Variants in C10orf71 observed in about 807,000 individuals in gnomAD.
C10orf71 encodes cardiac-enriched FHL2-interacting protein.
For missense variants in C10orf71, 1,869 were observed against 1,804.5 expected (o/e 1.04, Z -0.65); for synonymous variants, 758 against 726.3 (o/e 1.04, Z -0.70).
intron 1 of C10orf71, among the ~76,000 whole-genome samples, chr10:49,304,490 A>G (rs893307908): frequency 6.6e-6 from 1 of 152,226 alleles, no homozygotes; most frequent in South Asian, 2.1e-4. Context: ...GGTGCCTGGG[A>G]CTACCAGGGG....
upstream of C10orf71, chr10:49,298,885 C>G (rs907487999): frequency 6.6e-6 from 1 of 152,172 alleles, no homozygotes; most frequent in Non-Finnish European, 1.5e-5. Context: ...CAGCAGGGCT[C>G]TGGGCTCTGG....
chr10:49,297,210 C>T (rs1247638125), upstream of C10orf71, among the ~76,000 whole-genome samples: 1 of 152,204 alleles, frequency 6.6e-6, no homozygotes, highest in Admixed American at 6.5e-5. Flanking sequence ...GGAAGACCAG[C>T]GGCCCTGCCG....
rs192160684 is a variant in C10orf71, at chr10:49,322,803, G to T, written c.258G>T (p.Pro86=). The T allele has an allele frequency of 1.9e-6, 3 of 1,613,662 alleles. No individual in the cohort carries two copies. Among genetic ancestry groups the T allele is most frequent in the South Asian group, 2.2e-5 (2 of 91,058 alleles). The change falls in exon 3 of 3, where the codon CCG becomes CCT. Residue 86 remains proline, a synonymous_variant. Transcript: ENST00000374144. The part of the protein sequence containing the change: ...QRKSGIWSQL[P]SQGTEHSGWA... Reference sequence around the variant, plus strand: ...AAAGTGGCATTTGGAGCCAGTTACCGTCACAGGGCACGGAACATTCGGGCT... The same window carrying T: ...AAAGTGGCATTTGGAGCCAGTTACCTTCACAGGGCACGGAACATTCGGGCT...
chr10:49,323,429 G>A lies in C10orf71; in HGVS notation c.884G>A (p.Gly295Glu). Residue 295 changes from glycine to glutamate, a missense_variant, in exon 3 of 3, where the codon GGA (glycine) becomes GAA (glutamate). Transcript: ENST00000374144. ...CTGCTGGAGAGAAAGGACACAGCTG[G>A]AACCGTCCCAGAAAGCAAAGCTCCC... ...PKLLERKDTA[G>E]TVPESKAPKH... The A allele has an allele frequency of 6.2e-7, 1 of 1,614,024 alleles. No individual in the cohort carries two copies. Among genetic ancestry groups the A allele is most frequent in the East Asian group, 2.2e-5 (1 of 44,884 alleles).
At position 49,325,511 on chromosome 10, in the gene C10orf71, C is replaced by A. The variant is rs1477320167; in HGVS notation, c.2966C>A (p.Ser989Tyr). ...GLVASNCKSG[S>Y]ADSGKLAAPW... ...GTGGCAAGCAATTGCAAGAGCGGTTCTGCAGACTCAGGGAAGCTGGCAGCC... is the reference window on the plus strand; with the variant it reads ...GTGGCAAGCAATTGCAAGAGCGGTTATGCAGACTCAGGGAAGCTGGCAGCC... Residue 989 changes from serine to tyrosine, a missense_variant, in exon 3 of 3, where the codon TCT becomes TAT. Transcript: ENST00000374144. The A allele has an allele frequency of 6.4e-7, 1 of 1,551,022 alleles. No homozygotes were observed. The highest frequency in any genetic ancestry group is 8.7e-7 in the Non-Finnish European group (1 of 1,146,530).
rs180892216 is a variant in C10orf71, at chr10:49,324,550, G to A, written c.2005G>A (p.Glu669Lys). The A allele has an allele frequency of 1.2e-4, 195 of 1,613,772 alleles. No individual in the cohort carries two copies. Among genetic ancestry groups the A allele is most frequent in the Non-Finnish European group, 1.5e-4 (181 of 1,179,800 alleles). Residue 669 changes from glutamate (E) to lysine (K), a missense_variant, in exon 3 of 3, where the codon GAG becomes AAG. Transcript: ENST00000374144. Reference protein sequence around the residue: ...ATEKMKTHQLENGLSRSVSQE... With the variant: ...ATEKMKTHQLKNGLSRSVSQE... ...AGAGAAAATGAAGACCCACCAGCTA[G>A]AGAATGGGCTCTCCAGATCTGTGTC...
chr10:49,318,266 C>G (rs1849032925), intron 2 of C10orf71, among the ~76,000 whole-genome samples: 1 of 152,262 alleles, frequency 6.6e-6, no homozygotes, highest in Non-Finnish European at 1.5e-5. Flanking sequence ...GCCATGTCCT[C>G]TGGCCATGCT....
In C10orf71 at chr10:49,325,059, C is replaced by T. The variant is rs1470398948; in HGVS notation, c.2514C>T (p.Ala838=). The T allele has an allele frequency of 1.3e-6, 2 of 1,551,796 alleles. No individual in the cohort carries two copies. The highest frequency in any genetic ancestry group is 2.4e-5 in the East Asian group (1 of 40,924). Residue 838 remains alanine (A), a synonymous_variant, in exon 3 of 3, where the codon GCC becomes GCT. Transcript: ENST00000374144. ...ATAAGGGCACAACCTTTTCACAGGC[C>T]AAAGACCTTACTCCCTCACCATCTT... ...GENKGTTFSQ[A]KDLTPSPSSA... is the part of the protein sequence containing the mutation.
rs768945573 is a variant in C10orf71 at position 49,325,398 on chromosome 10, G to T, written c.2853G>T (p.Gln951His). The change falls in exon 3 of 3, where the codon CAG (glutamine) becomes CAT (histidine). Residue 951 changes from glutamine (Q) to histidine (H), a missense_variant. Transcript: ENST00000374144. ...GSSMARMEAS[Q>H]PAPKGNFPSM... is the part of the protein sequence containing the mutation. ...GCATGGCCAGGATGGAGGCCTCTCAGCCAGCCCCAAAGGGGAATTTCCCAT... is the reference window on the plus strand; with the variant it reads ...GCATGGCCAGGATGGAGGCCTCTCATCCAGCCCCAAAGGGGAATTTCCCAT... The T allele has an allele frequency of 4.5e-6, 7 of 1,550,868 alleles. 1 individual carries two copies. In the South Asian group the frequency reaches 8.3e-5, roughly 18 times the overall value.
chr10:49,324,562 T>C lies in C10orf71; in HGVS notation c.2017T>C (p.Ser673Pro), dbSNP rs368488487. 1.3e-4 allele frequency: 206 copies of C among 1,613,680 alleles called. No homozygotes were observed. The highest frequency in any genetic ancestry group is 1.5e-4 in the Non-Finnish European group (181 of 1,179,820). The change falls in exon 3 of 3, where the codon TCC (serine) becomes CCC (proline). Residue 673 changes from serine to proline, a missense_variant. By Grantham distance (74) the Ser-to-Pro change is moderately conservative. Coordinates refer to ENST00000374144, the MANE Select transcript of C10orf71 (RefSeq NM_001135196.2). ...GACCCACCAGCTAGAGAATGGGCTCTCCAGATCTGTGTCCCAAGAGACAGA... is the reference window on the plus strand; with the variant it reads ...GACCCACCAGCTAGAGAATGGGCTCCCCAGATCTGTGTCCCAAGAGACAGA... ...MKTHQLENGL[S>P]RSVSQETEPE...
chr10:49,326,211 G>T lies in C10orf71; in HGVS notation c.3666G>T (p.Leu1222=). The T allele has an allele frequency of 6.4e-7, 1 of 1,551,228 alleles. No homozygotes were observed. Among genetic ancestry groups the T allele is most frequent in the Non-Finnish European group, 8.7e-7 (1 of 1,146,964 alleles). Reference sequence around the variant, plus strand: ...TGGAGCAGACACAGCAAAGGCCGCTGTGCCCCAGAGAGAGGCCCCGACACA... The same window carrying T: ...TGGAGCAGACACAGCAAAGGCCGCTTTGCCCCAGAGAGAGGCCCCGACACA... ...EDLEQTQQRP[L]CPRERPRHNF... The change falls in exon 3 of 3, where the codon CTG becomes CTT. Residue 1222 remains leucine, a synonymous_variant. Coordinates refer to ENST00000374144, the MANE Select transcript of C10orf71 (RefSeq NM_001135196.2).
At position 49,323,444 on chromosome 10, in the gene C10orf71, G is replaced by A; in HGVS notation, c.899G>A (p.Ser300Asn). The change falls in exon 3 of 3, where the codon AGC (serine) becomes AAC (asparagine). Residue 300 changes from serine to asparagine, a missense_variant. Transcript: ENST00000374144. ...RKDTAGTVPESKAPKHYGDTT... is the reference protein window; with the variant it reads ...RKDTAGTVPENKAPKHYGDTT... ...GACACAGCTGGAACCGTCCCAGAAAGCAAAGCTCCCAAGCACTATGGGGAC... is the reference window on the plus strand; with the variant it reads ...GACACAGCTGGAACCGTCCCAGAAAACAAAGCTCCCAAGCACTATGGGGAC... 1.2e-6 allele frequency: 2 copies of A among 1,614,024 alleles called. No homozygotes were observed. The highest frequency in any genetic ancestry group is 1.7e-6 in the Non-Finnish European group (2 of 1,179,896).
At chr10:49,319,729 T>A (rs11101092) in intron 2 of C10orf71, among the ~76,000 whole-genome samples, 2 of 120,218 alleles carry the variant, frequency 1.7e-5, no homozygotes, top group South Asian at 2.8e-4. Flanking sequence ...TATATATATA[T>A]ATATACACAT....
rs1406463310 is a variant in C10orf71, at chr10:49,325,373, G to A, written c.2828G>A (p.Ser943Asn). ...ATGGAGGACCCTGGGCAGGGGTCGA[G>A]CATGGCCAGGATGGAGGCCTCTCAG... ...EVMEDPGQGS[S>N]MARMEASQPA... Residue 943 changes from serine to asparagine, a missense_variant, in exon 3 of 3, where the codon AGC (serine) becomes AAC (asparagine). Ser to Asn is a conservative substitution (Grantham distance 46, BLOSUM62 1). Transcript: ENST00000374144. The A allele has an allele frequency of 6.4e-7, 1 of 1,551,554 alleles. No individual in the cohort carries two copies. Among genetic ancestry groups the A allele is most frequent in the Non-Finnish European group, 8.7e-7 (1 of 1,146,968 alleles).
chr10:49,326,531 C>G lies in C10orf71; in HGVS notation c.3986C>G (p.Ala1329Gly). 6.4e-7 allele frequency: 1 copy of G among 1,550,498 alleles called. No homozygotes were observed. Among genetic ancestry groups the G allele is most frequent in the Non-Finnish European group, 8.7e-7 (1 of 1,146,868 alleles). The change falls in exon 3 of 3, where the codon GCC becomes GGC. Residue 1329 changes from alanine (A) to glycine (G), a missense_variant. Physicochemically the swap from Ala to Gly is moderately conservative, Grantham distance 60 (BLOSUM62 0). Transcript: ENST00000374144. Reference protein sequence around the residue: ...SPEPPPPDALAAPYVLYPGFQ... With the variant: ...SPEPPPPDALGAPYVLYPGFQ... ...GAGCCGCCCCCACCGGACGCCCTGG[C>G]CGCTCCCTATGTGCTGTACCCCGGC...
chr10:49,297,295 C>G (rs978096460), upstream of C10orf71, among the ~76,000 whole-genome samples: 3 of 152,306 alleles, frequency 2.0e-5, no homozygotes, highest in East Asian at 5.8e-4. Context: ...GCAACATTTT[C>G]TAACATCTGG....
In C10orf71 at chr10:49,323,449, G is replaced by T. The variant is rs776044044; in HGVS notation, c.904G>T (p.Ala302Ser). ...DTAGTVPESKAPKHYGDTTLL... is the reference protein window; with the variant it reads ...DTAGTVPESKSPKHYGDTTLL... Reference sequence around the variant, plus strand: ...AGCTGGAACCGTCCCAGAAAGCAAAGCTCCCAAGCACTATGGGGACACGAC... The same window carrying T: ...AGCTGGAACCGTCCCAGAAAGCAAATCTCCCAAGCACTATGGGGACACGAC... The change falls in exon 3 of 3, where the codon GCT becomes TCT. Residue 302 changes from alanine (A) to serine (S), a missense_variant. Transcript: ENST00000374144. 5.0e-6 allele frequency: 8 copies of T among 1,613,912 alleles called. No homozygotes were observed. In the South Asian group the frequency reaches 8.8e-5, roughly 18 times the overall value.
At position 49,325,243 on chromosome 10, in the gene C10orf71, G is replaced by A. The variant is rs1333463581; in HGVS notation, c.2698G>A (p.Gly900Ser). Residue 900 changes from glycine (G) to serine (S), a missense_variant, in exon 3 of 3, where the codon GGT becomes AGT. Transcript: ENST00000374144. Reference protein sequence around the residue: ...KEEELPRPEWGEDPGFCAPEN... With the variant: ...KEEELPRPEWSEDPGFCAPEN... ...GGAGGAATTGCCAAGGCCAGAATGG[G>A]GTGAGGATCCTGGGTTTTGTGCCCC... 2 of 1,551,862 alleles carry A rather than the reference G, an allele frequency of 1.3e-6. No individual in the cohort carries two copies. The highest frequency in any genetic ancestry group is 2.4e-5 in the East Asian group (1 of 40,914).
intron 1 of C10orf71, among the ~76,000 whole-genome samples, chr10:49,302,403 G>A (rs972146260): frequency 2.6e-5 from 4 of 152,184 alleles, no homozygotes; most frequent in Non-Finnish European, 5.9e-5. Context: ...AGGCCCCCTG[G>A]GCTACAACCA....
Sources: allele counts gnomAD v4.1 joint callset (sites outside exome capture counted in the v4.1 genomes callset), GRCh38; gene constraint gnomAD v4.1.1; transcripts MANE v1.5; gene names NCBI Gene and HGNC (gene_info 2026-07-23, HGNC 2026-07-21).